Variants in HEMK2 observed in about 807,000 individuals in gnomAD.
The protein encoded by HEMK2 is HemK methyltransferase 2, ETF1 glutamine and histone H4 lysine.
At chr21:28,850,968 T>TGCCCTCTGGACCTGCTCGA in the HEMK2 span, among the ~76,000 whole-genome samples, 39,205 of 151,780 alleles carry the variant, frequency 0.26, 5,796 homozygotes, top group African/African-American at 0.4. Flanking sequence ...AACTTACTTG[T>TGCCCTCTGGACCTGCTCGA]GCCCAGATGC....
At chr21:28,583,617 T>C in the HEMK2 span, among the ~76,000 whole-genome samples, 8 of 152,358 alleles carry the variant, frequency 5.3e-5, no homozygotes, top group African/African-American at 1.7e-4. Flanking sequence ...GAGTGTCTCA[T>C]CATTTTAATT....
At chr21:28,871,132 C>A in the HEMK2 span, among the ~76,000 whole-genome samples, 1 of 152,120 alleles carries the variant, frequency 6.6e-6, no homozygotes, top group African/African-American at 2.4e-5. Context: ...TTTTCCTGGA[C>A]ACAATTTTAG....
chr21:28,582,388 T>C, the HEMK2 span, among the ~76,000 whole-genome samples: 3 of 152,214 alleles, frequency 2.0e-5, no homozygotes, highest in Non-Finnish European at 4.4e-5. Flanking sequence ...TTTGATGTCA[T>C]GTTGTCACTT....
chr21:28,580,086 A>T, the HEMK2 span, among the ~76,000 whole-genome samples: 1 of 152,196 alleles, frequency 6.6e-6, no homozygotes, highest in African/African-American at 2.4e-5. Flanking sequence ...GTCAAAAGTG[A>T]ACACCATCAA....
the HEMK2 span, chr21:28,876,418 T>G: frequency 1.2e-6 from 2 of 1,611,704 alleles, no homozygotes; most frequent in East Asian, 4.5e-5. Flanking sequence ...CTGAAAGAGT[T>G]TCTTGGCCTG....
the HEMK2 span, among the ~76,000 whole-genome samples, chr21:28,711,838 G>A: frequency 5.3e-5 from 8 of 152,084 alleles, no homozygotes; most frequent in African/African-American, 1.9e-4. Flanking sequence ...TACAAGATCA[G>A]GGTGCCCATA....
the HEMK2 span, among the ~76,000 whole-genome samples, chr21:28,618,435 T>G: frequency 6.6e-6 from 1 of 152,234 alleles, no homozygotes; most frequent in South Asian, 2.1e-4. Flanking sequence ...AGTTCATAGT[T>G]TATTTTACAC....
At chr21:28,672,232 G>A in the HEMK2 span, among the ~76,000 whole-genome samples, 1 of 152,042 alleles carries the variant, frequency 6.6e-6, no homozygotes, top group East Asian at 1.9e-4. Flanking sequence ...ACAGAGGCTT[G>A]TTCTCTGTCT....
At chr21:28,691,470 G>C in the HEMK2 span, among the ~76,000 whole-genome samples, 1 of 152,052 alleles carries the variant, frequency 6.6e-6, no homozygotes, top group Non-Finnish European at 1.5e-5. Flanking sequence ...CTTCAAGTTG[G>C]TTTCTGAAGC....
the HEMK2 span, chr21:28,879,908 C>T: frequency 8.0e-5 from 128 of 1,599,150 alleles, no homozygotes; most frequent in South Asian, 5.1e-4. Flanking sequence ...GGATTAAACA[C>T]CAGAAGATCA....
chr21:28,807,608 G>C, the HEMK2 span, among the ~76,000 whole-genome samples: 1 of 152,302 alleles, frequency 6.6e-6, no homozygotes, highest in East Asian at 1.9e-4. Context: ...GGTCATCCCT[G>C]ATAAGGGAAT....
the HEMK2 span, among the ~76,000 whole-genome samples, chr21:28,689,825 G>C: frequency 6.6e-6 from 1 of 152,212 alleles, no homozygotes; most frequent in African/African-American, 2.4e-5. Flanking sequence ...GGAGAACTCT[G>C]AGAGATTCAA....
the HEMK2 span, among the ~76,000 whole-genome samples, chr21:28,674,205 G>A: frequency 1.3e-5 from 2 of 152,192 alleles, no homozygotes; most frequent in Non-Finnish European, 2.9e-5. Flanking sequence ...ACATCAGGAA[G>A]TTACCCCATA....
chr21:28,714,399 CT>C, the HEMK2 span, among the ~76,000 whole-genome samples: 1 of 152,168 alleles, frequency 6.6e-6, no homozygotes, highest in Non-Finnish European at 1.5e-5. Flanking sequence ...CAAAATATCA[CT>C]ATCTTCCTAT....
the HEMK2 span, among the ~76,000 whole-genome samples, chr21:28,862,823 C>T: frequency 6.6e-6 from 1 of 152,194 alleles, no homozygotes; most frequent in African/African-American, 2.4e-5. Flanking sequence ...TATCATGTGA[C>T]ATAAGATTTA....
the HEMK2 span, among the ~76,000 whole-genome samples, chr21:28,660,592 G>A: frequency 6.6e-6 from 1 of 151,272 alleles, no homozygotes; most frequent in South Asian, 2.1e-4. Flanking sequence ...AACTAATCTC[G>A]CATTCCTAGA....
At chr21:28,689,260 T>C in the HEMK2 span, among the ~76,000 whole-genome samples, 15 of 152,322 alleles carry the variant, frequency 9.8e-5, no homozygotes, top group South Asian at 6.2e-4. Flanking sequence ...AATAATTCCA[T>C]GCAAATTGTA....
At chr21:28,802,586 C>G in the HEMK2 span, among the ~76,000 whole-genome samples, 2 of 151,992 alleles carry the variant, frequency 1.3e-5, no homozygotes, top group Non-Finnish European at 2.9e-5. Context: ...CAAAAATTAG[C>G]TGGGCATAGT....
At chr21:28,660,016 G>T in the HEMK2 span, among the ~76,000 whole-genome samples, 1 of 151,940 alleles carries the variant, frequency 6.6e-6, no homozygotes, top group African/African-American at 2.4e-5. Flanking sequence ...TTTCTGTATA[G>T]AGGTTTTGCA....
Sources: gnomAD v4.1 joint callset for allele counts (sites outside exome capture counted in the v4.1 genomes callset) on GRCh38, gnomAD v4.1.1 for gene constraint, MANE v1.5 for transcripts, NCBI Gene and HGNC (gene_info 2026-07-23, HGNC 2026-07-21) for gene names.